Variants in COL6A6 observed in about 807,000 individuals in gnomAD.
COL6A6 encodes collagen alpha-6(VI) chain.
A neutral mutation model predicts 208.6 loss-of-function variants in COL6A6; 183 were observed. The ratio of observed to expected loss-of-function variants is 0.88; its 90% CI spans 0.78 to 0.99. COL6A6 has a LOEUF of 0.99. Ranked by LOEUF, COL6A6 falls within the 50% of genes least tolerant of loss-of-function variation. COL6A6 has a pLI of 0.00. For missense variants in COL6A6, 2,816 were observed against 2,815.2 expected, an observed-to-expected ratio of 1.00 and a Z score of -0.01; for synonymous variants, 973 against 1,011.8, an observed-to-expected ratio of 0.96 and a Z score of 0.73.
chr3:130,640,947 A>T (rs1339721488), intron 28 of COL6A6, among the ~76,000 whole-genome samples: 3 of 152,228 alleles, frequency 2.0e-5, no homozygotes, highest in Non-Finnish European at 4.4e-5. Context: ...AGTCCTAGCA[A>T]TCTTCCCTAA....
At chr3:130,624,132 G>C (rs1378541881) in intron 24 of COL6A6, among the ~76,000 whole-genome samples, 2 of 152,114 alleles carry the variant, frequency 1.3e-5, no homozygotes, top group Non-Finnish European at 2.9e-5. Flanking sequence ...AGGGGAAGAA[G>C]AAGACATTAA....
At chr3:130,673,185 A>G (rs1429666326) in intron 36 of COL6A6, among the ~76,000 whole-genome samples, 1 of 143,528 alleles carries the variant, frequency 7.0e-6, no homozygotes, top group Admixed American at 6.9e-5. Context: ...TCTCAAAAAA[A>G]AAAAACAAAA....
chr3:130,668,049 A>G (rs1349068963), intron 36 of COL6A6, among the ~76,000 whole-genome samples: 1 of 151,322 alleles, frequency 6.6e-6, no homozygotes, highest in Non-Finnish European at 1.5e-5. Flanking sequence ...AAAAAGGCCA[A>G]AAAAAAAGAC....
intron 26 of COL6A6, among the ~76,000 whole-genome samples, chr3:130,627,696 A>G (rs796872996): frequency 4.6e-5 from 7 of 152,338 alleles, no homozygotes; most frequent in South Asian, 2.1e-4. Flanking sequence ...AAGCATTCCA[A>G]AATCAGTCCT....
In COL6A6 at chr3:130,599,778, C is replaced by G; in HGVS notation, c.4621C>G (p.Pro1541Ala). Residue 1541 changes from proline (P) to alanine (A), a missense_variant, in exon 20 of 37, where the codon CCC (proline) becomes GCC (alanine). Physicochemically the swap from Pro to Ala is conservative, Grantham distance 27. Transcript: ENST00000358511. ...ACAGGGCAGAAGAGGCTGGCCAGGC[C>G]CCCCCGGGACACCAGGCTCCAGAAG... ...GRQGRRGWPG[P>A]PGTPGSRRKT... 6.2e-7 allele frequency: 1 copy of G among 1,613,638 alleles called. No homozygotes were observed. Among genetic ancestry groups the G allele is most frequent in the Non-Finnish European group, 8.5e-7 (1 of 1,179,744 alleles).
intron 1 of COL6A6, among the ~76,000 whole-genome samples, chr3:130,559,796 CATT>C (rs1458481876): frequency 6.6e-6 from 1 of 152,112 alleles, no homozygotes; most frequent in Non-Finnish European, 1.5e-5. Flanking sequence ...AGGAGCAAGA[CATT>C]ATATGGAATA....
At chr3:130,669,712 T>A (rs2066163865) in intron 36 of COL6A6, among the ~76,000 whole-genome samples, 2 of 152,212 alleles carry the variant, frequency 1.3e-5, no homozygotes, top group Non-Finnish European at 2.9e-5. Context: ...TAATATTTTT[T>A]AAAAATTAAG....
intron 28 of COL6A6, among the ~76,000 whole-genome samples, chr3:130,636,695 G>C (rs1255729923): frequency 6.7e-6 from 1 of 149,186 alleles, no homozygotes; most frequent in Non-Finnish European, 1.5e-5. Context: ...TAGGTTTTAG[G>C]GGTACAAAAT....
At position 130,635,580 on chromosome 3, in the gene COL6A6, G is replaced by A. The variant is rs2065087677; in HGVS notation, c.5029-119G>A. 4.5e-5 allele frequency: 30 copies of A among 669,618 alleles called. No homozygotes were observed. In the South Asian group the frequency reaches 5.4e-4, roughly 12 times the overall value. 41.5% of individuals were successfully genotyped at this position (669,618 alleles called of 1,614,324 possible). A position where few individuals can be genotyped will look rare whatever the true frequency, so the allele number is the denominator to read the frequency against. On this transcript the variant is annotated intron_variant, in intron 27 of 36. Transcript: ENST00000358511. ...ACACACACTCACACTCTTCAAAGAT[G>A]ACTGTTAAAAATGCATACGAAAAAT...
chr3:130,657,062 C>G (rs957421283), intron 33 of COL6A6, among the ~76,000 whole-genome samples: 1 of 152,244 alleles, frequency 6.6e-6, no homozygotes, highest in African/African-American at 2.4e-5. Flanking sequence ...GAGGGCAGGG[C>G]CCCTGCCTAC....
At chr3:130,524,479 A>G (rs1361220300) in intron 1 of COL6A6, among the ~76,000 whole-genome samples, 3 of 152,214 alleles carry the variant, frequency 2.0e-5, no homozygotes, top group Admixed American at 6.5e-5. Context: ...CAGTCAGTAT[A>G]CTCAGAAAAA....
At chr3:130,656,518 G>A (rs763031138) in intron 33 of COL6A6, among the ~76,000 whole-genome samples, 9 of 152,182 alleles carry the variant, frequency 5.9e-5, no homozygotes, top group Non-Finnish European at 1.3e-4. Flanking sequence ...TCAGAGGGGA[G>A]GAAGTGTGTG....
At chr3:130,566,674 C>T (rs771930771) in intron 4 of COL6A6, 28 bp from the exon 5 acceptor site, 7 of 1,540,918 alleles carry the variant, frequency 4.5e-6, no homozygotes, top group South Asian at 2.5e-5. Flanking sequence ...GCTCAAATGC[C>T]ACATGCAACT....
intron 23 of COL6A6, among the ~76,000 whole-genome samples, chr3:130,617,550 G>A (rs1479862054): frequency 6.6e-6 from 1 of 152,048 alleles, no homozygotes; most frequent in Non-Finnish European, 1.5e-5. Context: ...AGAAGTATTA[G>A]AAGTTAAGGT....
intron 10 of COL6A6, among the ~76,000 whole-genome samples, chr3:130,583,403 T>C (rs1463294240): frequency 6.6e-6 from 1 of 152,188 alleles, no homozygotes; most frequent in Non-Finnish European, 1.5e-5. Context: ...TATTTTGTTT[T>C]CTTTTATTTC....
chr3:130,596,592 G>A (rs2063857144), intron 18 of COL6A6, among the ~76,000 whole-genome samples: 1 of 152,268 alleles, frequency 6.6e-6, no homozygotes, highest in East Asian at 1.9e-4. Flanking sequence ...TGTAAATGAT[G>A]CTAATTTTTG....
At chr3:130,557,118 C>A (rs2062783194) in intron 1 of COL6A6, among the ~76,000 whole-genome samples, 1 of 152,162 alleles carries the variant, frequency 6.6e-6, no homozygotes, top group Admixed American at 6.5e-5. Context: ...AGGAATGGAG[C>A]TGGACCCAGG....
At chr3:130,546,924 TTGG>T (rs1348965285) in intron 1 of COL6A6, among the ~76,000 whole-genome samples, 4 of 152,136 alleles carry the variant, frequency 2.6e-5, no homozygotes, top group African/African-American at 7.2e-5. Context: ...AGAGTGCTGA[TTGG>T]TGCATCTACA....
chr3:130,619,745 G>A (rs1412730469), intron 23 of COL6A6, among the ~76,000 whole-genome samples: 1 of 152,074 alleles, frequency 6.6e-6, no homozygotes. Context: ...TGTGGGCCTT[G>A]TAGCTGAGGG....
Sources: gnomAD v4.1 joint callset for allele counts (sites outside exome capture counted in the v4.1 genomes callset) on GRCh38, gnomAD v4.1.1 for gene constraint, MANE v1.5 for transcripts, NCBI Gene and HGNC (gene_info 2026-07-23, HGNC 2026-07-21) for gene names.